The following MMD2 variants were observed in gnomAD, a reference collection of about 807,000 sequenced individuals.
MMD2 encodes monocyte to macrophage differentiation associated 2.
In MMD2, 30 loss-of-function variants were observed where a neutral mutation model predicts 33.5. That is an observed-to-expected ratio of 0.90 (90% CI 0.67 to 1.22). The LOEUF (loss-of-function observed/expected upper bound fraction) is 1.22, where lower values mean the gene tolerates loss of function less well. Among genes scored for constraint, MMD2 ranks in the 50% most tolerant of loss-of-function variants. The pLI is 0.00. For synonymous variants in MMD2, 129 were observed against 123.0 expected (o/e 1.05, Z -0.32); for missense variants, 364 against 325.4 (o/e 1.12, Z -0.91).
chr7:4,956,365 G>A (rs945751003), intron 1 of MMD2, among the ~76,000 whole-genome samples: 3 of 151,848 alleles, frequency 2.0e-5, no homozygotes, highest in Non-Finnish European at 4.4e-5. Flanking sequence ...GTTTGAGGCT[G>A]CAGTGAGCTA....
At chr7:4,936,282 T>C (rs1054616017) in intron 1 of MMD2, among the ~76,000 whole-genome samples, 3 of 151,738 alleles carry the variant, frequency 2.0e-5, no homozygotes, top group African/African-American at 7.3e-5. Context: ...GTAATAAAAT[T>C]ATATACACAA....
chr7:4,949,911 T>C (rs530920449), intron 1 of MMD2, among the ~76,000 whole-genome samples: 6 of 152,180 alleles, frequency 3.9e-5, no homozygotes, highest in Admixed American at 1.3e-4. Flanking sequence ...AATTTCCTTT[T>C]CCCCCCATCT....
chr7:4,924,394 C>T (rs937832594), intron 2 of MMD2, among the ~76,000 whole-genome samples: 1 of 152,214 alleles, frequency 6.6e-6, no homozygotes, highest in African/African-American at 2.4e-5. Flanking sequence ...ATTAATTCAC[C>T]TCCACACACG....
intron 1 of MMD2, among the ~76,000 whole-genome samples, chr7:4,928,329 G>A (rs1281958525): frequency 6.6e-6 from 1 of 152,142 alleles, no homozygotes; most frequent in Non-Finnish European, 1.5e-5. Flanking sequence ...AGGAGTGCAT[G>A]GAGCATTTAT....
At chr7:4,947,657 T>G (rs1583399400) in intron 1 of MMD2, among the ~76,000 whole-genome samples, 1 of 145,160 alleles carries the variant, frequency 6.9e-6, no homozygotes, top group East Asian at 2.1e-4. Flanking sequence ...CCTCCCAAAG[T>G]GTTGTGATTA....
downstream of MMD2, among the ~76,000 whole-genome samples, chr7:4,902,052 A>C (rs1784801913): frequency 6.6e-6 from 1 of 152,154 alleles, no homozygotes; most frequent in Admixed American, 6.6e-5. Flanking sequence ...CCCAGGTTCA[A>C]GCATTCTCCT....
intron 2 of MMD2, among the ~76,000 whole-genome samples, chr7:4,924,146 C>T (rs923381096): frequency 5.9e-5 from 9 of 152,112 alleles, no homozygotes; most frequent in Non-Finnish European, 1.0e-4. Flanking sequence ...GAGCCGAGAT[C>T]GCACCACTGC....
downstream of MMD2, among the ~76,000 whole-genome samples, chr7:4,903,040 C>G (rs1784815341): frequency 6.6e-6 from 1 of 152,316 alleles, no homozygotes; most frequent in Non-Finnish European, 1.5e-5. Flanking sequence ...GAGTTCGAGA[C>G]CAGCCTGGCC....
At position 4,953,822 on chromosome 7, in the gene MMD2, T is replaced by A. The variant is rs143269677; in HGVS notation, c.47+5149A>T. Among the ~76,000 whole-genome samples, 1,481 of 152,304 alleles carry A rather than the reference T, an allele frequency of 9.7e-3. 28 individuals are homozygous for A. Among genetic ancestry groups the A allele is most frequent in the African/African-American group, 0.034 (1,420 of 41,562 alleles). ...GGTTTTATTGAATTACTTTGGACTT[T>A]AAATTTTTACAGTTGTTCATCTGAA... On this transcript the variant is annotated intron_variant, in intron 1 of 6. Transcript: ENST00000401401.
chr7:4,908,798 A>G (rs980549186), intron 6 of MMD2, among the ~76,000 whole-genome samples: 3 of 151,782 alleles, frequency 2.0e-5, no homozygotes, highest in Non-Finnish European at 2.9e-5. Flanking sequence ...TCAGGAGGCC[A>G]AGGCACGAGA....
intron 1 of MMD2, among the ~76,000 whole-genome samples, chr7:4,944,406 G>C (rs998053485): frequency 6.6e-6 from 1 of 152,166 alleles, no homozygotes; most frequent in African/African-American, 2.4e-5. Context: ...AGCCAGGGGT[G>C]AGCCCACCCT....
chr7:4,902,608 T>C (rs1326431448), downstream of MMD2, among the ~76,000 whole-genome samples: 2 of 152,204 alleles, frequency 1.3e-5, no homozygotes, highest in African/African-American at 4.8e-5. Context: ...TCCAGCTCTT[T>C]CTCGTCACAC....
In MMD2 at chr7:4,959,087, G is replaced by A. The variant is rs1786470025; in HGVS notation, c.-70C>T. On this transcript the variant is annotated 5_prime_UTR_variant, in exon 1 of 7. Coordinates refer to ENST00000401401, the MANE Select transcript of MMD2 (RefSeq NM_198403.4). ...TAGCTGGCAGAGCCTGGGGGGCGCGGCGGCGGCAGCAGCAGGTTGGAGGGC... is the reference window on the plus strand; with the variant it reads ...TAGCTGGCAGAGCCTGGGGGGCGCGACGGCGGCAGCAGCAGGTTGGAGGGC... The A allele has an allele frequency of 2.5e-6, 3 of 1,210,348 alleles. No homozygotes were observed. The highest frequency in any genetic ancestry group is 3.1e-6 in the Non-Finnish European group (3 of 957,946). The allele number at this position is 1,210,348 out of a possible 1,614,324, so 75.0% of individuals were successfully genotyped here.
At chr7:4,915,709 T>C (rs1785122353) in intron 4 of MMD2, among the ~76,000 whole-genome samples, 2 of 148,382 alleles carry the variant, frequency 1.3e-5, no homozygotes, top group Non-Finnish European at 3.0e-5. Context: ...TACTGCACTC[T>C]AGCCTGGGTG....
intron 4 of MMD2, among the ~76,000 whole-genome samples, chr7:4,913,632 T>G (rs1785067906): frequency 6.7e-6 from 1 of 149,842 alleles, no homozygotes; most frequent in Middle Eastern, 3.2e-3. Context: ...GCAGGAGAAT[T>G]GCTTGAACCC....
intron 2 of MMD2, among the ~76,000 whole-genome samples, chr7:4,923,846 T>C (rs1400717057): frequency 1.3e-5 from 2 of 151,952 alleles, no homozygotes; most frequent in East Asian, 1.9e-4. Context: ...ACTGAGAAAA[T>C]GCAAACTTAG....
At chr7:4,905,588 AT>A (rs1784852413), downstream of MMD2, among the ~76,000 whole-genome samples, 1 of 151,996 alleles carries the variant, frequency 6.6e-6, no homozygotes. This position sits in a 1 kb window ranked among gnomAD's most constrained non-coding sequence, Gnocchi z 5.0. Flanking sequence ...TGATCGCAGG[AT>A]TTTATCTTGG....
Position 4,906,673 on chromosome 7 carries a change from C to T in MMD2, c.*723G>A. 2.5e-6 allele frequency: 1 copy of T among 397,548 alleles called. No individual in the cohort carries two copies. The highest frequency in any genetic ancestry group is 1.3e-4 in the South Asian group (1 of 7,412). 24.6% of individuals were successfully genotyped at this position (397,548 alleles called of 1,614,324 possible). A position where few individuals can be genotyped will look rare whatever the true frequency, so the allele number is the denominator to read the frequency against. ...CCCTCTACCGCCCCCAAACTGCCTA[C>T]TCCAGGAGTTTCCCAAAAGGGAGGG... On this transcript the variant is annotated 3_prime_UTR_variant, in exon 7 of 7. Transcript: ENST00000401401.
At chr7:4,927,192 A>T (rs1402520251) in intron 1 of MMD2, among the ~76,000 whole-genome samples, 1 of 152,078 alleles carries the variant, frequency 6.6e-6, no homozygotes, top group African/African-American at 2.4e-5. Flanking sequence ...TTTTTGGTGA[A>T]CACGCGCACT....
Sources: allele counts gnomAD v4.1 joint callset (sites outside exome capture counted in the v4.1 genomes callset), GRCh38; gene constraint gnomAD v4.1.1; non-coding constraint Gnocchi (gnomAD v3.1); transcripts MANE v1.5; gene names NCBI Gene and HGNC (gene_info 2026-07-23, HGNC 2026-07-21).